Variants in VAPB observed in about 807,000 individuals in gnomAD.
VAPB encodes the protein vesicle-associated membrane protein-associated protein B/C.
Under a neutral mutation model 25.6 loss-of-function variants are expected in VAPB, and 7 were observed. That is an observed-to-expected ratio of 0.27 (90% CI 0.16 to 0.51). The LOEUF (loss-of-function observed/expected upper bound fraction) is 0.51, where lower values mean the gene tolerates loss of function less well. VAPB is among the 20% of genes least tolerant of loss of function. VAPB has a pLI of 0.97. For missense variants in VAPB, 266 were observed against 301.3 expected (o/e 0.88, Z 0.87); for synonymous variants, 112 against 109.2 (o/e 1.03, Z -0.16).
intron 5 of VAPB, among the ~76,000 whole-genome samples, chr20:58,441,670 A>G (rs1044824963): frequency 7.2e-5 from 11 of 152,170 alleles, no homozygotes; most frequent in Non-Finnish European, 1.5e-4. Context: ...ACCCCAAACA[A>G]CTCAAACTCT....
intron 2 of VAPB, among the ~76,000 whole-genome samples, chr20:58,420,762 A>G (rs572427112): frequency 7.0e-4 from 106 of 152,338 alleles, no homozygotes; most frequent in African/African-American, 2.5e-3. Context: ...CTTGGGGGGA[A>G]CCAAGGTGAA....
At chr20:58,409,912 C>T (rs1012208259) in intron 1 of VAPB, among the ~76,000 whole-genome samples, 7 of 150,544 alleles carry the variant, frequency 4.6e-5, no homozygotes, top group East Asian at 1.9e-4. Flanking sequence ...TATACACACA[C>T]ACACACACAC....
chr20:58,407,616 T>C (rs1365271974), intron 1 of VAPB, among the ~76,000 whole-genome samples: 5 of 152,166 alleles, frequency 3.3e-5, no homozygotes, highest in Admixed American at 6.5e-5. Context: ...ATTTATGGCA[T>C]GTCTGTACTC....
Position 58,395,947 on chromosome 20 carries a change from A to G in VAPB, c.58+6430A>G, listed in dbSNP as rs140158576. Among the ~76,000 whole-genome samples the G allele has an allele frequency of 6.6e-5, 10 of 152,268 alleles. No individual in the cohort carries two copies. In the East Asian group the frequency reaches 1.7e-3, roughly 27 times the overall value. ...AAATAACTGAATGTGGTAAAATACT[A>G]TCTCTAGAATATTTTTCAAACTGTT... On this transcript the variant is annotated intron_variant, in intron 1 of 5. Transcript: ENST00000475243.
chr20:58,444,422 T>A lies in VAPB; in HGVS notation c.*187T>A, dbSNP rs1423736635. 2 of 837,092 alleles carry A rather than the reference T, an allele frequency of 2.4e-6. No homozygotes were observed. The highest frequency in any genetic ancestry group is 3.9e-6 in the Non-Finnish European group (2 of 507,882). The allele number at this position is 837,092 out of a possible 1,614,324, so 51.9% of individuals were successfully genotyped here. Reference sequence around the variant, plus strand: ...ACACAAATATAATGTAACGATCTTTTAGAAAGTTAAAAATGTATAGTAACT... The same window carrying A: ...ACACAAATATAATGTAACGATCTTTAAGAAAGTTAAAAATGTATAGTAACT... On this transcript the variant is annotated 3_prime_UTR_variant, in exon 6 of 6. Coordinates refer to ENST00000475243, the MANE Select transcript of VAPB (RefSeq NM_004738.5).
chr20:58,447,273 A>T lies in VAPB; in HGVS notation c.*3038A>T, dbSNP rs888200329. The T allele has an allele frequency of 2.2e-6, 1 of 454,022 alleles. No individual in the cohort carries two copies. The highest frequency in any genetic ancestry group is 2.0e-5 in the African/African-American group (1 of 50,018). The allele number at this position is 454,022 out of a possible 1,614,324, so 28.1% of individuals were successfully genotyped here. A position where few individuals can be genotyped will look rare whatever the true frequency, so the allele number is the denominator to read the frequency against. Reference sequence around the variant, plus strand: ...GCACGATACAAAATACCTCTTAAAGACAGCAGGCTTTTTTATTTGTAGGTG... The same window carrying T: ...GCACGATACAAAATACCTCTTAAAGTCAGCAGGCTTTTTTATTTGTAGGTG... On this transcript the variant is annotated 3_prime_UTR_variant, in exon 6 of 6. Coordinates refer to ENST00000475243, the MANE Select transcript of VAPB (RefSeq NM_004738.5).
At chr20:58,432,756 T>A (rs1392748291) in intron 2 of VAPB, among the ~76,000 whole-genome samples, 2 of 152,222 alleles carry the variant, frequency 1.3e-5, no homozygotes, top group African/African-American at 2.4e-5. Context: ...AGAAAAAGCA[T>A]TGACCTGCCA....
intron 2 of VAPB, among the ~76,000 whole-genome samples, chr20:58,422,746 T>TA (rs1347042521): frequency 1.3e-5 from 2 of 152,198 alleles, no homozygotes; most frequent in African/African-American, 4.8e-5. Context: ...TGTAATATGA[T>TA]ATTAAGTTTA....
chr20:58,451,067 T>C lies in VAPB; in HGVS notation c.*6832T>C, dbSNP rs1327490630. The C allele has an allele frequency of 7.1e-6, 3 of 420,496 alleles. No individual in the cohort carries two copies. Among genetic ancestry groups the C allele is most frequent in the African/African-American group, 2.1e-5 (1 of 48,190 alleles). 26.0% of individuals were successfully genotyped at this position (420,496 alleles called of 1,614,324 possible). A position where few individuals can be genotyped will look rare whatever the true frequency, so the allele number is the denominator to read the frequency against. On this transcript the variant is annotated 3_prime_UTR_variant, in exon 6 of 6. Transcript: ENST00000475243. Reference sequence around the variant, plus strand: ...TTTTGTACTAGCTGTCTCCATATTATGTTCAATAAATTCTGTGCTCTGAAT... The same window carrying C: ...TTTTGTACTAGCTGTCTCCATATTACGTTCAATAAATTCTGTGCTCTGAAT...
At chr20:58,442,792 A>G (rs1989191543) in intron 5 of VAPB, among the ~76,000 whole-genome samples, 1 of 152,240 alleles carries the variant, frequency 6.6e-6, no homozygotes, top group Non-Finnish European at 1.5e-5. Flanking sequence ...AGAGATAGCA[A>G]CAAATTGCAG....
intron 5 of VAPB, among the ~76,000 whole-genome samples, chr20:58,442,912 G>A (rs1386597548): frequency 6.6e-6 from 1 of 152,220 alleles, no homozygotes; most frequent in Non-Finnish European, 1.5e-5. Context: ...TACAGCTGGT[G>A]TGTGGGGTTT....
chr20:58,434,324 G>A (rs890352436), intron 2 of VAPB, among the ~76,000 whole-genome samples: 1 of 152,092 alleles, frequency 6.6e-6, no homozygotes, highest in Admixed American at 6.6e-5. Context: ...AGACATTTAC[G>A]GTAGGCTTGC....
chr20:58,433,024 A>G (rs1286554362), intron 2 of VAPB, among the ~76,000 whole-genome samples: 1 of 152,190 alleles, frequency 6.6e-6, no homozygotes, highest in Non-Finnish European at 1.5e-5. Context: ...CAGTGCATTT[A>G]AGTCCAATGC....
chr20:58,449,141 G>A lies in VAPB; in HGVS notation c.*4906G>A, dbSNP rs1477441515. 1 of 454,070 alleles carries A rather than the reference G, an allele frequency of 2.2e-6. No homozygotes were observed. Among genetic ancestry groups the A allele is most frequent in the Admixed American group, 2.3e-5 (1 of 42,566 alleles). 28.1% of individuals were successfully genotyped at this position (454,070 alleles called of 1,614,324 possible). On this transcript the variant is annotated 3_prime_UTR_variant, in exon 6 of 6. Transcript: ENST00000475243. ...GCAAGCTTGGGAGGCTGTGGGAATG[G>A]GTCTGCCCCCAGCTTCACAGACCTC...
At chr20:58,402,488 CAT>C (rs1275919888) in intron 1 of VAPB, among the ~76,000 whole-genome samples, 9 of 151,948 alleles carry the variant, frequency 5.9e-5, no homozygotes, top group East Asian at 1.9e-4. Context: ...GGCTCCCACA[CAT>C]GTCACAGCAT....
chr20:58,394,313 A>G (rs1987894962), intron 1 of VAPB, among the ~76,000 whole-genome samples: 1 of 152,258 alleles, frequency 6.6e-6, no homozygotes, highest in Non-Finnish European at 1.5e-5. Flanking sequence ...GTGTAATTTA[A>G]GATTGTTTAG....
chr20:58,404,549 G>A (rs1013895267), intron 1 of VAPB, among the ~76,000 whole-genome samples: 3 of 152,160 alleles, frequency 2.0e-5, no homozygotes, highest in Non-Finnish European at 4.4e-5. Context: ...ATACTGCCCA[G>A]GAGTTAAGAG....
intron 2 of VAPB, among the ~76,000 whole-genome samples, chr20:58,429,747 C>T (rs1028544): frequency 0.28 from 42,418 of 152,010 alleles, 6,186 homozygotes; most frequent in African/African-American, 0.34. Flanking sequence ...TCTTTTTAAA[C>T]TGCAGATTCT....
intron 1 of VAPB, 127 bp downstream of exon 1, chr20:58,389,644 G>GAGGCC: frequency 1.9e-6 from 2 of 1,053,384 alleles, no homozygotes; most frequent in Non-Finnish European, 2.5e-6. Context: ...GGGGGGCGGC[G>GAGGCC]AGGCCGGGCC....
Sources: gnomAD v4.1 joint callset for allele counts (sites outside exome capture counted in the v4.1 genomes callset) on GRCh38, gnomAD v4.1.1 for gene constraint, MANE v1.5 for transcripts, NCBI Gene and HGNC (gene_info 2026-07-23, HGNC 2026-07-21) for gene names.